The following TRDMT1 variants were observed in gnomAD, a reference collection of about 807,000 sequenced individuals.
The protein encoded by TRDMT1 is tRNA (cytosine(38)-C(5))-methyltransferase.
TRDMT1 carries 49 observed loss-of-function variants against 51.2 expected under a neutral mutation model. The ratio of observed to expected loss-of-function variants is 0.96; its 90% CI spans 0.76 to 1.21. The LOEUF is 1.21. Among genes scored for constraint, TRDMT1 ranks in the 50% most tolerant of loss-of-function variants. The pLI, the probability that TRDMT1 is intolerant of heterozygous loss-of-function variation, is 0.00. For synonymous variants in TRDMT1, 187 were observed against 164.6 expected (o/e 1.14, Z -1.04); for missense variants, 534 against 462.3 (o/e 1.16, Z -1.42).
intron 1 of TRDMT1, among the ~76,000 whole-genome samples, chr10:17,182,445 A>G (rs1403711336): frequency 6.6e-6 from 1 of 152,228 alleles, no homozygotes; most frequent in Non-Finnish European, 1.5e-5. Flanking sequence ...AACACAAACT[A>G]ATATGCCATT....
intron 2 of TRDMT1, among the ~76,000 whole-genome samples, chr10:17,173,184 G>T (rs926219969): frequency 1.3e-5 from 2 of 151,954 alleles, no homozygotes; most frequent in Admixed American, 1.3e-4. Flanking sequence ...ATAAATGTAG[G>T]TATTTATCCA....
chr10:17,189,717 T>C (rs966564015), intron 1 of TRDMT1, among the ~76,000 whole-genome samples: 1 of 152,160 alleles, frequency 6.6e-6, no homozygotes, highest in Non-Finnish European at 1.5e-5. Flanking sequence ...TTCTAGTTAA[T>C]TTAAAATCAT....
chr10:17,169,253 A>C, intron 2 of TRDMT1: 1 of 959,534 alleles, frequency 1.0e-6, no homozygotes, highest in Non-Finnish European at 1.4e-6. Context: ...GGAGAACCTT[A>C]TTTTATAATT....
chr10:17,199,468 A>C (rs1262799360), intron 1 of TRDMT1, among the ~76,000 whole-genome samples: 1 of 152,236 alleles, frequency 6.6e-6, no homozygotes, highest in African/African-American at 2.4e-5. Context: ...GGGTTTGAGG[A>C]GTAGAGAGAA....
Position 17,184,885 on chromosome 10 carries a change from G to C in TRDMT1, c.65-10225C>G, listed in dbSNP as rs559433069. The stretch of plus-strand genomic sequence containing the variant: ...TCTTATGGAATTTTTTATTTTGTGT[G>C]TGTGTTCATACGTCCTGATGAAGAT... On this transcript the variant is annotated intron_variant, in intron 1 of 10. Coordinates refer to ENST00000377799, the MANE Select transcript of TRDMT1 (RefSeq NM_004412.7). 6.6e-5 allele frequency among the ~76,000 whole-genome samples: 10 copies of C among 152,236 alleles called. 1 individual carries two copies. In the South Asian group the frequency reaches 2.1e-3, roughly 32 times the overall value.
At chr10:17,190,552 A>G (rs1418001565) in intron 1 of TRDMT1, among the ~76,000 whole-genome samples, 1 of 152,188 alleles carries the variant, frequency 6.6e-6, no homozygotes, top group African/African-American at 2.4e-5. Context: ...GATTATTTTG[A>G]CAATATTTAA....
At chr10:17,185,591 T>A (rs529174263) in intron 1 of TRDMT1, among the ~76,000 whole-genome samples, 1 of 152,142 alleles carries the variant, frequency 6.6e-6, no homozygotes, top group African/African-American at 2.4e-5. Flanking sequence ...CATGCTGCCA[T>A]AAAGACACAT....
intron 1 of TRDMT1, among the ~76,000 whole-genome samples, chr10:17,178,295 G>A (rs889691085): frequency 3.3e-5 from 5 of 152,112 alleles, no homozygotes; most frequent in African/African-American, 9.7e-5. Context: ...ACTAAAGAAC[G>A]TACAGACCCA....
intron 10 of TRDMT1, among the ~76,000 whole-genome samples, chr10:17,152,740 G>A (rs1263953590): frequency 6.6e-6 from 1 of 152,158 alleles, no homozygotes; most frequent in Non-Finnish European, 1.5e-5. Context: ...GGGCATCTCT[G>A]AGAAGGCCAA....
At position 17,143,607 on chromosome 10, in the gene TRDMT1, C is replaced by T. The variant is rs1321379004; in HGVS notation, c.*5433G>A. The T allele has an allele frequency of 9.1e-6, 9 of 985,314 alleles. No individual in the cohort carries two copies. The highest frequency in any genetic ancestry group is 1.1e-5 in the Non-Finnish European group (9 of 829,940). 61.0% of individuals were successfully genotyped at this position (985,314 alleles called of 1,614,324 possible). On this transcript the variant is annotated 3_prime_UTR_variant, in exon 11 of 11. Transcript: ENST00000377799. ...TGGATTAAATTTAGAAGGCTCAAAT[C>T]TGTTAAATGTTGACATGTTTAACCA...
intron 1 of TRDMT1, among the ~76,000 whole-genome samples, chr10:17,188,218 C>T (rs1462948512): frequency 1.3e-5 from 2 of 151,852 alleles, no homozygotes; most frequent in Non-Finnish European, 2.9e-5. Context: ...TTGAAGAAGC[C>T]ATCTGAGGTA....
At chr10:17,185,308 C>G (rs1016844752) in intron 1 of TRDMT1, among the ~76,000 whole-genome samples, 6 of 152,106 alleles carry the variant, frequency 3.9e-5, no homozygotes, top group African/African-American at 1.4e-4. Flanking sequence ...AGCCAAAAGA[C>G]ACATGAAAAA....
In TRDMT1 at chr10:17,157,658, C is replaced by T. The variant is rs758431022; in HGVS notation, c.670G>A (p.Gly224Arg). ...AGCTTAAAAAGAATGGCATCTTTTCCAGAACACTGTATGCTGCCATCAAAG... is the reference window on the plus strand; with the variant it reads ...AGCTTAAAAAGAATGGCATCTTTTCTAGAACACTGTATGCTGCCATCAAAG... The part of the protein sequence containing the change: ...ISFDGSIQCS[G>R]KDAILFKLET... Residue 224 changes from glycine to arginine, a missense_variant, in exon 8 of 11, where the codon GGA becomes AGA. Transcript: ENST00000377799. The T allele has an allele frequency of 3.1e-6, 5 of 1,613,486 alleles. No homozygotes were observed. The South Asian group carries it at 5.5e-5, about 18-fold the overall frequency.
At chr10:17,188,306 CCT>C (rs1844206995) in intron 1 of TRDMT1, among the ~76,000 whole-genome samples, 1 of 152,070 alleles carries the variant, frequency 6.6e-6, no homozygotes, top group Non-Finnish European at 1.5e-5. Context: ...GGATTTATCC[CCT>C]GACTACTGAA....
chr10:17,198,663 T>C (rs1267091840), intron 1 of TRDMT1, among the ~76,000 whole-genome samples: 3 of 152,210 alleles, frequency 2.0e-5, no homozygotes, highest in African/African-American at 7.2e-5. Flanking sequence ...TTTGGAGTTA[T>C]TGTTTAACAG....
intron 1 of TRDMT1, 149 bp downstream of exon 1, chr10:17,201,422 G>C (rs1408313556): frequency 1.4e-6 from 1 of 694,994 alleles, no homozygotes; most frequent in East Asian, 3.3e-5. Flanking sequence ...GCGCGCAGGA[G>C]CTGTTTCCAG....
At position 17,153,575 on chromosome 10, in the gene TRDMT1, A is replaced by C. The variant is rs1293823282; in HGVS notation, c.1007T>G (p.Leu336Ter). ...AGTGAAATATCGCAGTTTAAGTATT[A>C]ACAGCTTTGTTATCTGTTCTTCTTG... The part of the protein sequence containing the change: ...LSQEEQITKL[L>*]ILKLRYFTPK... Residue 336 changes from leucine (L) to a stop codon, truncating the protein, a stop_gained, in exon 10 of 11, where the codon TTA becomes TGA. Coordinates refer to ENST00000377799, the MANE Select transcript of TRDMT1 (RefSeq NM_004412.7). LOFTEE classifies it high-confidence loss of function. The C allele has an allele frequency of 6.2e-7, 1 of 1,612,790 alleles. No homozygotes were observed. Among genetic ancestry groups the C allele is most frequent in the Non-Finnish European group, 8.5e-7 (1 of 1,179,576 alleles).
chr10:17,138,839 C>G lies in TRDMT1; in HGVS notation c.*10201G>C, dbSNP rs1488103916. 1.3e-5 allele frequency among the ~76,000 whole-genome samples: 2 copies of G among 151,660 alleles called. No homozygotes were observed. The highest frequency in any genetic ancestry group is 2.9e-5 in the Non-Finnish European group (2 of 67,968). ...AAATTCAAATCCAGAGGGACAAACG[C>G]AATAGGGGAATAGGGCTTTGGAGGA... On this transcript the variant is annotated 3_prime_UTR_variant, in exon 11 of 11. Transcript: ENST00000377799.
In TRDMT1 at chr10:17,145,493, A is replaced by C. The variant is rs1034674742; in HGVS notation, c.*3547T>G. On this transcript the variant is annotated 3_prime_UTR_variant, in exon 11 of 11. Coordinates refer to ENST00000377799, the MANE Select transcript of TRDMT1 (RefSeq NM_004412.7). ...TCTCAATGCAATCACAGGCTACAAG[A>C]AAACTGCTGAGGCTATATGACCCTC... 1 of 985,342 alleles carries C rather than the reference A, an allele frequency of 1.0e-6. No homozygotes were observed. Among genetic ancestry groups the C allele is most frequent in the Admixed American group, 6.1e-5 (1 of 16,270 alleles). The allele number at this position is 985,342 out of a possible 1,614,324, so 61.0% of individuals were successfully genotyped here. A position where few individuals can be genotyped will look rare whatever the true frequency, so the allele number is the denominator to read the frequency against.
Sources: allele counts gnomAD v4.1 joint callset (sites outside exome capture counted in the v4.1 genomes callset), GRCh38; gene constraint gnomAD v4.1.1; transcripts MANE v1.5; gene names NCBI Gene and HGNC (gene_info 2026-07-23, HGNC 2026-07-21).